The following PUDP variants were observed in gnomAD, a reference collection of about 807,000 sequenced individuals.
PUDP encodes the protein pseudouridine 5'-phosphatase.
In PUDP, 8 loss-of-function variants were observed where a neutral mutation model predicts 9.4. The observed-to-expected ratio is 0.85, with a 90% CI of 0.50 to 1.53. The LOEUF (loss-of-function observed/expected upper bound fraction) is 1.53, where lower values mean the gene tolerates loss of function less well. Ranked by LOEUF, PUDP falls within the 40% of genes most tolerant of loss-of-function variation. PUDP has a pLI of 0.00. For missense variants in PUDP, 188 were observed against 189.7 expected (o/e 0.99, Z 0.05); for synonymous variants, 99 against 80.7 (o/e 1.23, Z -1.22).
At chrX:6,723,118 C>A (rs1228612435), upstream of PUDP, among the ~76,000 whole-genome samples, 1 of 109,872 alleles carries the variant, frequency 9.1e-6, no homozygotes, top group Non-Finnish European at 1.9e-5. Context: ...AAAATAAAAA[C>A]CACAATAACC....
intron 3 of PUDP, among the ~76,000 whole-genome samples, chrX:6,877,439 C>T (rs1477600073): frequency 8.9e-6 from 1 of 111,818 alleles, no homozygotes; most frequent in Non-Finnish European, 1.9e-5. Flanking sequence ...TGCAATATGG[C>T]AGAGAAGCAT....
chrX:6,848,403 G>A (rs1030793500), intron 3 of PUDP, among the ~76,000 whole-genome samples: 4 of 112,186 alleles, frequency 3.6e-5, no homozygotes, highest in East Asian at 2.8e-4. Context: ...GTCTGCAGTC[G>A]AGAGGCCGTT....
intron 1 of PUDP, among the ~76,000 whole-genome samples, chrX:6,981,604 G>A (rs888242112): frequency 1.8e-5 from 2 of 111,158 alleles, no homozygotes; most frequent in African/African-American, 3.3e-5. Flanking sequence ...TCCCAACCCC[G>A]ATTTAAAAGT....
At chrX:7,009,252 C>T (rs1188462585) in intron 1 of PUDP, among the ~76,000 whole-genome samples, 1 of 111,875 alleles carries the variant, frequency 8.9e-6, no homozygotes, top group Non-Finnish European at 1.9e-5. Flanking sequence ...TCCTATGAAT[C>T]AAAGGAATAC....
At chrX:6,929,748 T>G (rs1928160231) in intron 3 of PUDP, among the ~76,000 whole-genome samples, 1 of 111,834 alleles carries the variant, frequency 8.9e-6, no homozygotes, top group Non-Finnish European at 1.9e-5. Context: ...TAGAATTTTA[T>G]TTTTGGCTTA....
chrX:6,712,245 G>C (rs1038502699), intron 1 of PUDP, among the ~76,000 whole-genome samples: 2 of 112,134 alleles, frequency 1.8e-5, no homozygotes, highest in African/African-American at 6.5e-5. Flanking sequence ...CTGCCTGCGA[G>C]GTTCAAGCAA....
intron 3 of PUDP, among the ~76,000 whole-genome samples, chrX:6,761,444 C>T (rs1416854657): frequency 8.9e-6 from 1 of 112,180 alleles, no homozygotes; most frequent in Admixed American, 9.5e-5. Flanking sequence ...TTCCTTTACA[C>T]ATGGCCACAC....
chrX:6,927,664 TAA>T (rs968848500), intron 3 of PUDP, among the ~76,000 whole-genome samples: 2 of 111,593 alleles, frequency 1.8e-5, no homozygotes, highest in African/African-American at 6.5e-5. Flanking sequence ...GCAGACTGAT[TAA>T]GAGGAGAAAA....
intron 3 of PUDP, among the ~76,000 whole-genome samples, chrX:6,974,109 G>A (rs1928918568): frequency 8.9e-6 from 1 of 111,868 alleles, no homozygotes; most frequent in African/African-American, 3.3e-5. Flanking sequence ...TTGCATGTGA[G>A]ATGGGTATGT....
chrX:6,743,713 T>C (rs1240018265), intron 3 of PUDP, among the ~76,000 whole-genome samples: 4 of 111,638 alleles, frequency 3.6e-5, no homozygotes, highest in Non-Finnish European at 7.5e-5. Context: ...ACATTTGCCA[T>C]GTGACTTAAA....
At chrX:7,132,651 A>T (rs1932650653) in intron 1 of PUDP, among the ~76,000 whole-genome samples, 1 of 112,184 alleles carries the variant, frequency 8.9e-6, no homozygotes, top group African/African-American at 3.2e-5. Context: ...ACAAAGTCTA[A>T]GGTCATTGTG....
intron 3 of PUDP, among the ~76,000 whole-genome samples, chrX:7,064,888 G>A (rs762175289): frequency 8.9e-6 from 1 of 111,918 alleles, no homozygotes; most frequent in South Asian, 3.7e-4. Context: ...GAAGATACAC[G>A]AGGAGGAAAA....
At chrX:7,022,080 A>G (rs1158697974) in intron 1 of PUDP, among the ~76,000 whole-genome samples, 1 of 111,122 alleles carries the variant, frequency 9.0e-6, no homozygotes, top group Non-Finnish European at 1.9e-5. Context: ...CCAGGTCGGT[A>G]CTTTCCTCTG....
chrX:6,929,101 C>T (rs1442883061), intron 3 of PUDP, among the ~76,000 whole-genome samples: 1 of 112,296 alleles, frequency 8.9e-6, no homozygotes, highest in East Asian at 2.8e-4. Flanking sequence ...CCACATTACA[C>T]AGGAGCTACT....
At chrX:6,820,539 A>G (rs983837042) in intron 3 of PUDP, among the ~76,000 whole-genome samples, 2 of 111,906 alleles carry the variant, frequency 1.8e-5, no homozygotes, top group Admixed American at 1.9e-4. Flanking sequence ...ATGGCGGTAC[A>G]GGTATTGGGT....
chrX:6,929,871 C>A (rs5934247), intron 3 of PUDP, among the ~76,000 whole-genome samples: 1 of 110,505 alleles, frequency 9.0e-6, no homozygotes, highest in Non-Finnish European at 1.9e-5. Flanking sequence ...GCTTTTCCTG[C>A]CCCCAGTCCT....
At chrX:6,718,871 G>A (rs1352383960) in intron 1 of PUDP, among the ~76,000 whole-genome samples, 2 of 111,856 alleles carry the variant, frequency 1.8e-5, no homozygotes, top group African/African-American at 6.5e-5. Context: ...AGAACAAACC[G>A]TAGGTGGTTT....
At chrX:6,752,062 A>C (rs1186334460) in intron 3 of PUDP, among the ~76,000 whole-genome samples, 2 of 110,769 alleles carry the variant, frequency 1.8e-5, no homozygotes, top group Non-Finnish European at 1.9e-5. Flanking sequence ...TTCTTCTCAA[A>C]TTGTTTCCCC....
At chrX:6,868,789 T>C (rs1927128123) in intron 3 of PUDP, among the ~76,000 whole-genome samples, 1 of 112,077 alleles carries the variant, frequency 8.9e-6, no homozygotes. Context: ...TTAGCTGTTC[T>C]TGTGTGTCTT....
Sources: gnomAD v4.1 joint callset for allele counts (sites outside exome capture counted in the v4.1 genomes callset) on GRCh38, gnomAD v4.1.1 for gene constraint, MANE v1.5 for transcripts, NCBI Gene and HGNC (gene_info 2026-07-23, HGNC 2026-07-21) for gene names.